Variants in PHACTR1 observed in about 807,000 individuals in gnomAD.
PHACTR1 encodes the protein RPEL repeat containing 1.
In PHACTR1, 16 loss-of-function variants were observed where a neutral mutation model predicts 69.2. The observed-to-expected ratio is 0.23, with a 90% CI of 0.16 to 0.35. The LOEUF (loss-of-function observed/expected upper bound fraction) is 0.35. Ranked by LOEUF, PHACTR1 falls within the 10% of genes least tolerant of loss-of-function variation. The pLI is 1.00. For synonymous variants in PHACTR1, 312 were observed against 284.5 expected (o/e 1.10, Z -0.97); for missense variants, 510 against 734.7 (o/e 0.69, Z 3.54).
chr6:13,204,265 A>AT (rs1364608011), intron 7 of PHACTR1, among the ~76,000 whole-genome samples: 1 of 152,130 alleles, frequency 6.6e-6, no homozygotes, highest in Non-Finnish European at 1.5e-5. Flanking sequence ...TAGGAATGTC[A>AT]TTTTGGCAGG....
chr6:13,244,130 G>A (rs1024749409), intron 10 of PHACTR1, among the ~76,000 whole-genome samples: 13 of 152,184 alleles, frequency 8.5e-5, no homozygotes, highest in South Asian at 2.1e-4. Flanking sequence ...CTGGGCGTCC[G>A]GGGGAGACAT....
At chr6:13,158,001 C>A (rs977155252) in intron 5 of PHACTR1, among the ~76,000 whole-genome samples, 1 of 152,128 alleles carries the variant, frequency 6.6e-6, no homozygotes, top group Non-Finnish European at 1.5e-5. Flanking sequence ...CCTGTCTCAG[C>A]CTCCCAAGTA....
chr6:12,776,327 G>A (rs1447864238), intron 4 of PHACTR1, among the ~76,000 whole-genome samples: 2 of 152,062 alleles, frequency 1.3e-5, no homozygotes, highest in East Asian at 3.9e-4. Flanking sequence ...ATTTAATTTG[G>A]TCCAAAATAA....
At chr6:12,806,734 T>C (rs1418388215) in intron 4 of PHACTR1, among the ~76,000 whole-genome samples, 6 of 152,224 alleles carry the variant, frequency 3.9e-5, no homozygotes, top group African/African-American at 1.4e-4. Context: ...AATAATTTTT[T>C]TATAAAACAG....
At chr6:13,216,420 A>G (rs1408687083) in intron 8 of PHACTR1, among the ~76,000 whole-genome samples, 1 of 152,240 alleles carries the variant, frequency 6.6e-6, no homozygotes, top group East Asian at 1.9e-4. Context: ...CAATACACAG[A>G]TATGAATCAG....
intron 5 of PHACTR1, among the ~76,000 whole-genome samples, chr6:13,108,352 A>G (rs1178909231): frequency 6.6e-6 from 1 of 152,114 alleles, no homozygotes; most frequent in African/African-American, 2.4e-5. Flanking sequence ...GCATGTTGCA[A>G]TTTGGAGTAA....
intron 4 of PHACTR1, among the ~76,000 whole-genome samples, chr6:13,041,412 C>A (rs1804145652): frequency 6.7e-6 from 1 of 148,864 alleles, no homozygotes; most frequent in Admixed American, 6.7e-5. Flanking sequence ...AGGATCAACA[C>A]CCTTGCAAAA....
chr6:13,158,145 G>A (rs1306333795), intron 5 of PHACTR1, among the ~76,000 whole-genome samples: 1 of 152,126 alleles, frequency 6.6e-6, no homozygotes, highest in Non-Finnish European at 1.5e-5. Context: ...GCCTCCCAAA[G>A]TGCTGGGATT....
At position 13,175,251 on chromosome 6, in the gene PHACTR1, G is replaced by C. The variant is rs181886944; in HGVS notation, c.497-7268G>C. On this transcript the variant is annotated intron_variant, in intron 6 of 14. Transcript: ENST00000332995. Reference sequence around the variant, plus strand: ...AAAGAAAACCTGAATATAAAATGCTGTGCTGTGTTAGCTCATCTGATATTT... The same window carrying C: ...AAAGAAAACCTGAATATAAAATGCTCTGCTGTGTTAGCTCATCTGATATTT... 4.6e-5 allele frequency among the ~76,000 whole-genome samples: 7 copies of C among 152,358 alleles called. No individual in the cohort carries two copies. In the East Asian group the frequency reaches 1.4e-3, roughly 29 times the overall value.
At chr6:13,105,181 C>A (rs1815886255) in intron 5 of PHACTR1, among the ~76,000 whole-genome samples, 1 of 152,142 alleles carries the variant, frequency 6.6e-6, no homozygotes, top group African/African-American at 2.4e-5. Context: ...AGTTTGAGAC[C>A]AGCCTGGGCA....
chr6:12,904,818 C>T (rs1247134974), intron 4 of PHACTR1, among the ~76,000 whole-genome samples: 1 of 152,074 alleles, frequency 6.6e-6, no homozygotes, highest in African/African-American at 2.4e-5. Context: ...TCAATCTCAT[C>T]GCTGCTGCTT....
chr6:12,782,654 A>G (rs979978318), intron 4 of PHACTR1, among the ~76,000 whole-genome samples: 2 of 152,212 alleles, frequency 1.3e-5, no homozygotes, highest in African/African-American at 4.8e-5. Context: ...ATAAAACGAG[A>G]TGTGTTTAGG....
chr6:13,284,577 C>CGT (rs1562129146), intron 13 of PHACTR1, among the ~76,000 whole-genome samples: 12 of 97,526 alleles, frequency 1.2e-4, no homozygotes, highest in Admixed American at 5.8e-4. Flanking sequence ...TATAGATACA[C>CGT]GTATATATAT....
At chr6:12,745,109 G>A (rs1765602989) in intron 3 of PHACTR1, among the ~76,000 whole-genome samples, 2 of 152,120 alleles carry the variant, frequency 1.3e-5, no homozygotes, top group Non-Finnish European at 1.5e-5. Flanking sequence ...CATATTTTGA[G>A]TAATATTTTT....
At chr6:12,717,238 C>G (rs949556714) in intron 1 of PHACTR1, among the ~76,000 whole-genome samples, 32 of 152,102 alleles carry the variant, frequency 2.1e-4, no homozygotes, top group African/African-American at 7.5e-4. Context: ...CTGGTGCCCC[C>G]ACAAAAATTT....
chr6:13,005,948 T>C (rs1030826970), intron 4 of PHACTR1, among the ~76,000 whole-genome samples: 1 of 151,886 alleles, frequency 6.6e-6, no homozygotes, highest in Non-Finnish European at 1.5e-5. Flanking sequence ...CAATGTTACA[T>C]TATCCTATTA....
intron 9 of PHACTR1, among the ~76,000 whole-genome samples, chr6:13,228,712 CTCTCACCTACA>C (rs1770244514): frequency 6.6e-6 from 1 of 152,206 alleles, no homozygotes. Context: ...CGGTTTTAAT[CTCTCACCTACA>C]TCTCACAACA....
At chr6:13,140,198 G>T (rs2113328334) in intron 5 of PHACTR1, among the ~76,000 whole-genome samples, 1 of 94,648 alleles carries the variant, frequency 1.1e-5, no homozygotes, top group Middle Eastern at 6.0e-3. Context: ...AATCAAAATG[G>T]TGCAGCTGCT....
intron 5 of PHACTR1, among the ~76,000 whole-genome samples, chr6:13,096,952 G>T (rs1272148329): frequency 6.6e-6 from 1 of 152,148 alleles, no homozygotes; most frequent in Non-Finnish European, 1.5e-5. Flanking sequence ...ACATAGAAAG[G>T]CAGCATAGTA....
Sources: gnomAD v4.1 joint callset for allele counts (sites outside exome capture counted in the v4.1 genomes callset) on GRCh38, gnomAD v4.1.1 for gene constraint, MANE v1.5 for transcripts, NCBI Gene and HGNC (gene_info 2026-07-23, HGNC 2026-07-21) for gene names.